CLDN16: variants seen among roughly 807,000 people sequenced by gnomAD.
The protein encoded by CLDN16 is claudin 16, also known as claudin-16.
A neutral mutation model predicts 24.6 loss-of-function variants in CLDN16; 13 were observed. The observed-to-expected ratio is 0.53, with a 90% CI of 0.34 to 0.84. The LOEUF is 0.84. Among genes scored for constraint, CLDN16 ranks in the 40% least tolerant of loss-of-function variants. The pLI, the probability that CLDN16 is intolerant of heterozygous loss-of-function variation, is 0.01. For synonymous variants in CLDN16, 116 were observed against 106.7 expected (o/e 1.09, Z -0.54); for missense variants, 298 against 292.7 (o/e 1.02, Z -0.13).
chr3:190,389,876 G>T (rs1434254483), intron 1 of CLDN16, among the ~76,000 whole-genome samples: 1 of 152,116 alleles, frequency 6.6e-6, no homozygotes, highest in Admixed American at 6.5e-5. Context: ...ACAAAAAAAT[G>T]TAAAATCCCA....
chr3:190,330,655 A>C (rs912899704), intron 1 of CLDN16, among the ~76,000 whole-genome samples: 2 of 152,172 alleles, frequency 1.3e-5, no homozygotes, highest in South Asian at 4.1e-4. Flanking sequence ...TAACTGGTAT[A>C]GGAGGAAGAT....
chr3:190,295,527 A>G, the CLDN16 span, among the ~76,000 whole-genome samples: 3,097 of 152,228 alleles, frequency 0.02, 114 homozygotes, highest in African/African-American at 0.07. Context: ...AACCTACTTA[A>G]TTTCCTAGGA....
intron 1 of CLDN16, among the ~76,000 whole-genome samples, chr3:190,397,155 T>C (rs971622909): frequency 2.0e-5 from 3 of 152,156 alleles, no homozygotes; most frequent in Non-Finnish European, 2.9e-5. Context: ...AATTAAGAGA[T>C]TTTTTGCTTT....
intron 1 of CLDN16, among the ~76,000 whole-genome samples, chr3:190,349,846 C>T (rs1717633433): frequency 6.6e-6 from 1 of 152,160 alleles, no homozygotes; most frequent in Non-Finnish European, 1.5e-5. Context: ...GCAAGCCTAT[C>T]CTAGGGTAGA....
chr3:190,323,540 T>C (rs1483993623), intron 1 of CLDN16, among the ~76,000 whole-genome samples: 2 of 152,246 alleles, frequency 1.3e-5, no homozygotes, highest in Non-Finnish European at 2.9e-5. Flanking sequence ...TTTTTCCAAC[T>C]GCTTTTTGTG....
the CLDN16 span, among the ~76,000 whole-genome samples, chr3:190,303,040 T>G: frequency 6.6e-6 from 1 of 151,986 alleles, no homozygotes; most frequent in Admixed American, 6.5e-5. Context: ...TTTAAAATAT[T>G]TATTTCCACT....
intron 2 of CLDN16, among the ~76,000 whole-genome samples, chr3:190,403,288 CACCA>C (rs2108671767): frequency 6.6e-6 from 1 of 152,216 alleles, no homozygotes; most frequent in East Asian, 1.9e-4. Flanking sequence ...GCCGAGATCA[CACCA>C]CTGCACTCCA....
intron 1 of CLDN16, among the ~76,000 whole-genome samples, chr3:190,392,501 C>T (rs1464692647): frequency 6.6e-6 from 1 of 152,040 alleles, no homozygotes. Flanking sequence ...CTGGAGCCTC[C>T]CTAGGCTACT....
chr3:190,408,714 C>T (rs1719171103), intron 4 of CLDN16, among the ~76,000 whole-genome samples: 1 of 151,028 alleles, frequency 6.6e-6, no homozygotes, highest in Non-Finnish European at 1.5e-5. Context: ...ATAAAATCCA[C>T]AACTACAAGC....
At chr3:190,364,458 G>A (rs73192439) in intron 1 of CLDN16, among the ~76,000 whole-genome samples, 3,133 of 152,014 alleles carry the variant, frequency 0.021, 38 homozygotes, top group Middle Eastern at 0.054. Flanking sequence ...CTGATGGGTA[G>A]CTCTGGCCAA....
chr3:190,308,164 A>C, the CLDN16 span: 1 of 1,251,592 alleles, frequency 8.0e-7, no homozygotes, highest in South Asian at 1.2e-5. Flanking sequence ...TTGTTTTGTA[A>C]TACCATACTT....
At chr3:190,297,165 G>T in the CLDN16 span, among the ~76,000 whole-genome samples, 1 of 103,900 alleles carries the variant, frequency 9.6e-6, no homozygotes, top group African/African-American at 4.5e-5. Flanking sequence ...CAGTAAAATT[G>T]CTTTGCTTCC....
the CLDN16 span, chr3:190,312,852 G>C: frequency 4.3e-6 from 7 of 1,613,292 alleles, no homozygotes; most frequent in African/African-American, 1.3e-5. Flanking sequence ...AAGGTGAAAG[G>C]GGGGCACAGC....
At chr3:190,388,111 C>T (rs1718550817), upstream of CLDN16, 2 of 1,613,612 alleles carry the variant, frequency 1.2e-6, no homozygotes, top group Non-Finnish European at 1.7e-6. Context: ...AGGCTGGTTG[C>T]TTCGGATAAT....
chr3:190,394,347 A>T (rs1211224788), intron 1 of CLDN16, among the ~76,000 whole-genome samples: 1 of 152,192 alleles, frequency 6.6e-6, no homozygotes, highest in African/African-American at 2.4e-5. Context: ...AGAACCTGCT[A>T]TGTACTGAGC....
intron 1 of CLDN16, among the ~76,000 whole-genome samples, chr3:190,363,982 G>C (rs1717963987): frequency 6.6e-6 from 1 of 151,878 alleles, no homozygotes. Flanking sequence ...GAAGAATTCT[G>C]CCTGCCTAAT....
At chr3:190,303,106 A>G in the CLDN16 span, among the ~76,000 whole-genome samples, 14 of 152,150 alleles carry the variant, frequency 9.2e-5, no homozygotes, top group Non-Finnish European at 2.9e-5. Flanking sequence ...TATCAAATAA[A>G]TACATATTGT....
intron 2 of CLDN16, among the ~76,000 whole-genome samples, chr3:190,371,974 C>A (rs1229305583): frequency 6.6e-6 from 1 of 151,920 alleles, no homozygotes; most frequent in Non-Finnish European, 1.5e-5. Context: ...TCTGTGCTCT[C>A]TTTCTTGAGC....
chr3:190,338,870 A>T (rs1188654342), intron 1 of CLDN16, among the ~76,000 whole-genome samples: 1 of 152,148 alleles, frequency 6.6e-6, no homozygotes, highest in Non-Finnish European at 1.5e-5. Context: ...ACTTCTCCAG[A>T]TCTCCTTGAC....
Sources: gnomAD v4.1 joint callset for allele counts (sites outside exome capture counted in the v4.1 genomes callset) on GRCh38, gnomAD v4.1.1 for gene constraint, MANE v1.5 for transcripts, NCBI Gene and HGNC (gene_info 2026-07-23, HGNC 2026-07-21) for gene names.